The following FBLN2 variants were observed in gnomAD, a reference collection of about 807,000 sequenced individuals.
The protein encoded by FBLN2 is fibulin 2.
Under a neutral mutation model 123.7 loss-of-function variants are expected in FBLN2, and 81 were observed. That is an observed-to-expected ratio of 0.65 (90% CI 0.55 to 0.79). The LOEUF is 0.79. FBLN2 is among the 30% of genes least tolerant of loss of function. The pLI, the probability that FBLN2 is intolerant of heterozygous loss-of-function variation, is 0.00. For synonymous variants in FBLN2, 699 were observed against 701.4 expected (o/e 1.00, Z 0.05); for missense variants, 1,603 against 1,681.3 (o/e 0.95, Z 0.81).
intron 2 of FBLN2, among the ~76,000 whole-genome samples, chr3:13,577,051 T>G (rs1704169039): frequency 6.6e-6 from 1 of 151,708 alleles, no homozygotes; most frequent in African/African-American, 2.4e-5. Context: ...GTGAAACCCC[T>G]GTCTCTACTA....
chr3:13,585,713 C>T (rs867703693), intron 2 of FBLN2, among the ~76,000 whole-genome samples: 1 of 152,142 alleles, frequency 6.6e-6, no homozygotes, highest in South Asian at 2.1e-4. Context: ...ATCGCTTGAA[C>T]CCAGGAGGCG....
intron 2 of FBLN2, among the ~76,000 whole-genome samples, chr3:13,574,116 C>A (rs1337619455): frequency 3.3e-5 from 5 of 152,174 alleles, no homozygotes; most frequent in African/African-American, 9.7e-5. Flanking sequence ...ACAGAGTCAC[C>A]GTGTTGAGGG....
intron 10 of FBLN2, among the ~76,000 whole-genome samples, chr3:13,627,233 G>A (rs1337066902): frequency 6.6e-6 from 1 of 152,014 alleles, no homozygotes; most frequent in Non-Finnish European, 1.5e-5. Context: ...CAGGCAGAGG[G>A]GGCAGCGTGC....
At chr3:13,571,732 C>A in intron 2 of FBLN2, 71 bp downstream of exon 2, 1 of 1,453,034 alleles carries the variant, frequency 6.9e-7, no homozygotes, top group South Asian at 1.4e-5. Flanking sequence ...GGCCGCTGCC[C>A]CAGGTCTCTG....
At chr3:13,578,924 G>A (rs1325009666) in intron 2 of FBLN2, among the ~76,000 whole-genome samples, 3 of 152,166 alleles carry the variant, frequency 2.0e-5, no homozygotes, top group Admixed American at 2.0e-4. Context: ...GTGTGGTGGT[G>A]CATGCCTATA....
At chr3:13,622,015 T>G (rs1705871081) in intron 9 of FBLN2, 100 bp downstream of exon 9, 2 of 1,366,758 alleles carry the variant, frequency 1.5e-6, no homozygotes, top group Non-Finnish European at 2.0e-6. Flanking sequence ...GCCTGCCCTT[T>G]GCATGTGAGC....
intron 16 of FBLN2, among the ~76,000 whole-genome samples, chr3:13,634,386 C>T (rs990066494): frequency 3.9e-5 from 6 of 152,262 alleles, no homozygotes; most frequent in Admixed American, 2.0e-4. Context: ...GACTGACCGC[C>T]TCCCGCGAGC....
intron 1 of FBLN2, among the ~76,000 whole-genome samples, chr3:13,565,326 G>C (rs927538889): frequency 1.3e-5 from 2 of 152,304 alleles, no homozygotes; most frequent in Middle Eastern, 3.4e-3. Flanking sequence ...TCTCCACTCC[G>C]GTGGCAAAGC....
chr3:13,635,409 C>A (rs1176413497), intron 16 of FBLN2, among the ~76,000 whole-genome samples: 1 of 152,078 alleles, frequency 6.6e-6, no homozygotes, highest in Non-Finnish European at 1.5e-5. Context: ...CCCACACACA[C>A]CCCTACCCCA....
Position 13,619,022 on chromosome 3 carries a change from GC to G in FBLN2, c.2053+6del, listed in dbSNP as rs778770061. ...CGCAGCCCAATACCTGCAAAGGTAA[GC>G]AGTGTGGGTGGTGTCTCCAGGACAG... On this transcript the variant is annotated splice_donor_region_variant and intron_variant, in intron 7 of 17. Coordinates refer to ENST00000404922, the MANE Select transcript of FBLN2 (RefSeq NM_001004019.2). 22 of 1,601,870 alleles carry G rather than the reference GC, an allele frequency of 1.4e-5. No individual in the cohort carries two copies. Among genetic ancestry groups the G allele is most frequent in the Non-Finnish European group, 1.8e-5 (21 of 1,173,002 alleles).
rs777248310 is a variant in FBLN2 at position 13,628,929 on chromosome 3, C to T, written c.2594C>T (p.Ser865Phe). ...CVDINECTSL[S>F]EPCRPGFSCI... ...GACATCAACGAGTGCACGTCACTGT[C>T]CGAGCCATGTCGGCCAGGCTTCAGC... The change falls in exon 12 of 18, where the codon TCC becomes TTC. Residue 865 changes from serine (S) to phenylalanine (F), a missense_variant. Coordinates refer to ENST00000404922, the MANE Select transcript of FBLN2 (RefSeq NM_001004019.2). 5.0e-6 allele frequency: 8 copies of T among 1,613,130 alleles called. No homozygotes were observed. Among genetic ancestry groups the T allele is most frequent in the Middle Eastern group, 1.6e-4 (1 of 6,080 alleles).
intron 1 of FBLN2, among the ~76,000 whole-genome samples, chr3:13,560,824 G>A (rs894045403): frequency 6.6e-6 from 1 of 151,734 alleles, no homozygotes; most frequent in Non-Finnish European, 1.5e-5. Context: ...TTCTCTCTCT[G>A]TCTTTTAGAT....
intron 2 of FBLN2, among the ~76,000 whole-genome samples, chr3:13,577,091 T>C (rs912071228): frequency 2.0e-5 from 3 of 151,586 alleles, no homozygotes; most frequent in Admixed American, 6.6e-5. Context: ...GGTGTGGTGG[T>C]AGGCACCTGT....
Position 13,549,209 on chromosome 3 carries a change from G to C in FBLN2, c.-42+1G>C. 1 of 983,638 alleles carries C rather than the reference G, an allele frequency of 1.0e-6. No homozygotes were observed. The highest frequency in any genetic ancestry group is 1.2e-6 in the Non-Finnish European group (1 of 829,260). The allele number at this position is 983,638 out of a possible 1,614,324, so 60.9% of individuals were successfully genotyped here. ...CGGACGCCGAGCGCAGTGCCCCGCG[G>C]TGAGTGCACGCGGCCCCTCCCGCCC... On this transcript the variant is annotated splice_donor_variant, in intron 1 of 17. Coordinates refer to ENST00000404922, the MANE Select transcript of FBLN2 (RefSeq NM_001004019.2). LOFTEE classifies it low-confidence loss of function (5UTR_SPLICE).
chr3:13,571,333 T>C lies in FBLN2; in HGVS notation c.978T>C (p.Ala326=). The C allele has an allele frequency of 6.2e-7, 1 of 1,607,970 alleles. No individual in the cohort carries two copies. The highest frequency in any genetic ancestry group is 1.3e-5 in the African/African-American group (1 of 74,974). Residue 326 remains alanine (A), a synonymous_variant, in exon 2 of 18, where the codon GCT becomes GCC. Transcript: ENST00000404922. ...SLPIQEERAE[A]GARAEAGARP... is the part of the protein sequence containing the mutation. ...CTATCCAGGAGGAGAGGGCAGAAGCTGGGGCAAGGGCAGAAGCTGGGGCAA... is the reference window on the plus strand; with the variant it reads ...CTATCCAGGAGGAGAGGGCAGAAGCCGGGGCAAGGGCAGAAGCTGGGGCAA...
chr3:13,590,644 T>C (rs1704643932), intron 2 of FBLN2, among the ~76,000 whole-genome samples: 1 of 151,190 alleles, frequency 6.6e-6, no homozygotes, highest in African/African-American at 2.5e-5. Flanking sequence ...TTTTCTGTTC[T>C]TGAATTTATT....
rs990391051 is a variant in FBLN2, at chr3:13,637,932, G to A, written c.*13G>A. The A allele has an allele frequency of 2.6e-6, 4 of 1,563,364 alleles. No individual in the cohort carries two copies. The African/African-American group carries it at 4.0e-5, about 16-fold the overall frequency. On this transcript the variant is annotated 3_prime_UTR_variant, in exon 18 of 18. Coordinates refer to ENST00000404922, the MANE Select transcript of FBLN2 (RefSeq NM_001004019.2). ...CTTTGCCCTGTGAGGTGCCAGCACG[G>A]GCCACCTGCGGGTGTGGCGCAGCCC...
At chr3:13,636,315 G>A in intron 16 of FBLN2, 130 bp from the exon 17 acceptor site, 2 of 1,123,674 alleles carry the variant, frequency 1.8e-6, no homozygotes, top group East Asian at 2.6e-5. Flanking sequence ...GCATGTGTGT[G>A]CAGGGAGGCA....
At chr3:13,556,426 A>G (rs1301418151) in intron 1 of FBLN2, among the ~76,000 whole-genome samples, 1 of 152,142 alleles carries the variant, frequency 6.6e-6, no homozygotes. Flanking sequence ...TAATCCACAC[A>G]TGGGGGCTCC....
Sources: gnomAD v4.1 joint callset for allele counts (sites outside exome capture counted in the v4.1 genomes callset) on GRCh38, gnomAD v4.1.1 for gene constraint, MANE v1.5 for transcripts, NCBI Gene and HGNC (gene_info 2026-07-23, HGNC 2026-07-21) for gene names.